Variants in MTOR observed in about 807,000 individuals in gnomAD.
MTOR encodes serine/threonine-protein kinase mTOR.
MTOR carries 70 observed loss-of-function variants against 319.8 expected under a neutral mutation model. That is an observed-to-expected ratio of 0.22 (90% CI 0.18 to 0.27). The LOEUF (loss-of-function observed/expected upper bound fraction) is 0.27. MTOR is among the 10% of genes least tolerant of loss of function. The pLI is 1.00. For synonymous variants in MTOR, 1,183 were observed against 1,211.4 expected (o/e 0.98, Z 0.49); for missense variants, 1,890 against 3,274.4 (o/e 0.58, Z 10.32).
At chr1:11,137,352 G>A (rs1319273633) in intron 36 of MTOR, among the ~76,000 whole-genome samples, 1 of 152,012 alleles carries the variant, frequency 6.6e-6, no homozygotes, top group Non-Finnish European at 1.5e-5. Context: ...CTCTTTGGTG[G>A]ACTTAATAAG....
chr1:11,151,215 C>T (rs1360464501), intron 30 of MTOR, among the ~76,000 whole-genome samples: 1 of 152,154 alleles, frequency 6.6e-6, no homozygotes, highest in African/African-American at 2.4e-5. Flanking sequence ...GACTGTGGAC[C>T]ACGTCTAGGA....
At chr1:11,117,202 C>T in intron 49 of MTOR, 116 bp from the exon 50 acceptor site, 1 of 840,256 alleles carries the variant, frequency 1.2e-6, no homozygotes, top group Non-Finnish European at 1.8e-6. Flanking sequence ...GCTCTGTCGC[C>T]CAGGCTGGAA....
At position 11,107,477 on chromosome 1, in the gene MTOR, G is replaced by T. The variant is rs1453509061; in HGVS notation, c.*8C>A. ...GAAAAAACGTGATGGGCACATCTGG[G>T]CCTCCAGTTACCAGAAAGGGCACCT... On this transcript the variant is annotated 3_prime_UTR_variant, in exon 58 of 58. Coordinates refer to ENST00000361445, the MANE Select transcript of MTOR (RefSeq NM_004958.4). 5.6e-6 allele frequency: 9 copies of T among 1,612,526 alleles called. No homozygotes were observed. Among genetic ancestry groups the T allele is most frequent in the Non-Finnish European group, 7.6e-6 (9 of 1,179,654 alleles).
intron 28 of MTOR, chr1:11,189,699 C>T: frequency 6.2e-7 from 1 of 1,614,198 alleles, no homozygotes; most frequent in South Asian, 1.1e-5. Flanking sequence ...AGCCACAGCT[C>T]AAAGCGGCCA....
intron 1 of MTOR, among the ~76,000 whole-genome samples, chr1:11,260,326 T>G (rs1569860067): frequency 6.6e-6 from 1 of 152,352 alleles, no homozygotes; most frequent in African/African-American, 2.4e-5. Context: ...GCAGATCACC[T>G]GAGGTCAGGA....
rs775857477 is a variant in MTOR at position 11,144,699 on chromosome 1, A to G, written c.4821T>C (p.Leu1607=). 3 of 1,613,990 alleles carry G rather than the reference A, an allele frequency of 1.9e-6. No homozygotes were observed. Among genetic ancestry groups the G allele is most frequent in the Non-Finnish European group, 2.5e-6 (3 of 1,180,040 alleles). ...GGATGATCTCTCGTCGCTCGGGGAC[A>G]AGTTTGTACTGGATAACCTCCTCCA... The part of the protein sequence containing the change: ...SELEEVIQYK[L]VPERREIIRQ... The change falls in exon 34 of 58, where the codon CTT becomes CTC. Residue 1607 remains leucine (L), a synonymous_variant. Coordinates refer to ENST00000361445, the MANE Select transcript of MTOR (RefSeq NM_004958.4).
intron 54 of MTOR, among the ~76,000 whole-genome samples, chr1:11,110,749 G>A (rs1409911141): frequency 3.3e-5 from 5 of 151,656 alleles, no homozygotes; most frequent in African/African-American, 9.7e-5. Context: ...TTGAGACAGG[G>A]TCTTGCTGTG....
At position 11,255,983 on chromosome 1, in the gene MTOR, T is replaced by A; in HGVS notation, c.705+9A>T. On this transcript the variant is annotated intron_variant, in intron 5 of 57. Coordinates refer to ENST00000361445, the MANE Select transcript of MTOR (RefSeq NM_004958.4). Reference sequence around the variant, plus strand: ...TTTGCTAGTGGTGGGAATGGAGCCATCTCCTTACCCTGTACCACTGAGGCT... The same window carrying A: ...TTTGCTAGTGGTGGGAATGGAGCCAACTCCTTACCCTGTACCACTGAGGCT... 1 of 1,609,732 alleles carries A rather than the reference T, an allele frequency of 6.2e-7. No homozygotes were observed. The highest frequency in any genetic ancestry group is 8.5e-7 in the Non-Finnish European group (1 of 1,176,842).
intron 47 of MTOR, among the ~76,000 whole-genome samples, chr1:11,122,941 C>A (rs900363395): frequency 1.1e-4 from 17 of 152,220 alleles, no homozygotes; most frequent in Admixed American, 1.1e-3. Flanking sequence ...CAGGTCTCCT[C>A]AACCTGCCCA....
In MTOR at chr1:11,128,999, T is replaced by C. The variant is rs1408172371; in HGVS notation, c.5715-48A>G. On this transcript the variant is annotated intron_variant, in intron 40 of 57. Transcript: ENST00000361445. This position sits in a 1 kb window ranked among gnomAD's most constrained non-coding sequence, Gnocchi z 5.3. The stretch of plus-strand genomic sequence containing the variant: ...ACAGAAAATTTAGTTTCCCAGTTTT[T>C]GCCTGCCTGTTTTTCATCTCTAAGG... 1 of 1,519,006 alleles carries C rather than the reference T, an allele frequency of 6.6e-7. No individual in the cohort carries two copies. The highest frequency in any genetic ancestry group is 2.3e-5 in the East Asian group (1 of 43,762). The allele number at this position is 1,519,006 out of a possible 1,614,324, so 94.1% of individuals were successfully genotyped here.
chr1:11,202,699 A>G (rs960036397), intron 26 of MTOR, among the ~76,000 whole-genome samples: 3 of 152,084 alleles, frequency 2.0e-5, no homozygotes, highest in Middle Eastern at 3.2e-3. Flanking sequence ...TGACTGCTTG[A>G]GTCCAGGAGT....
At chr1:11,219,600 A>G (rs1646590820) in intron 19 of MTOR, among the ~76,000 whole-genome samples, 1 of 152,196 alleles carries the variant, frequency 6.6e-6, no homozygotes, top group South Asian at 2.1e-4. Flanking sequence ...AAATTATAAA[A>G]CACGTGAGGA....
At chr1:11,198,295 T>C (rs1645852243) in intron 28 of MTOR, among the ~76,000 whole-genome samples, 1 of 152,212 alleles carries the variant, frequency 6.6e-6, no homozygotes, top group Non-Finnish European at 1.5e-5. Context: ...GAAATCAACA[T>C]TTTCTCCAAG....
At chr1:11,125,665 G>A (rs557998821) in intron 46 of MTOR, among the ~76,000 whole-genome samples, 1 of 151,248 alleles carries the variant, frequency 6.6e-6, no homozygotes, top group African/African-American at 2.4e-5. Flanking sequence ...AGGAGGTGGG[G>A]TTGCAGTGAG....
At position 11,213,542 on chromosome 1, in the gene MTOR, T is replaced by C. The variant is rs774472068; in HGVS notation, c.3142A>G (p.Ile1048Val). ...ATGAGAAGAATGATCGTGCTCTGAA[T>C]TGAGGTGTTCATGACCCAGAATTCC... ...MREFWVMNTS[I>V]QSTIILLIEQ... The change falls in exon 21 of 58, where the codon ATT becomes GTT. Residue 1048 changes from isoleucine to valine, a missense_variant. Ile to Val is a conservative substitution (Grantham distance 29, BLOSUM62 3). Transcript: ENST00000361445. The C allele has an allele frequency of 3.7e-6, 6 of 1,614,002 alleles. No homozygotes were observed. The highest frequency in any genetic ancestry group is 1.7e-5 in the Admixed American group (1 of 59,982).
chr1:11,125,009 G>A (rs1347331782), intron 46 of MTOR, among the ~76,000 whole-genome samples: 1 of 152,010 alleles, frequency 6.6e-6, no homozygotes, highest in East Asian at 1.9e-4. Context: ...GTACTGGCAG[G>A]AGGTCAGAGG....
At chr1:11,154,335 G>A (rs998303424) in intron 30 of MTOR, among the ~76,000 whole-genome samples, 10 of 151,688 alleles carry the variant, frequency 6.6e-5, no homozygotes, top group Middle Eastern at 3.2e-3. Flanking sequence ...CAAGCAATCC[G>A]CCTGCCTCAG....
intron 49 of MTOR, among the ~76,000 whole-genome samples, chr1:11,119,202 G>A (rs1191974737): frequency 2.6e-5 from 4 of 151,926 alleles, no homozygotes; most frequent in African/African-American, 7.3e-5. Context: ...AGGCTGAGAA[G>A]GGCGGATAAC....
intron 26 of MTOR, among the ~76,000 whole-genome samples, chr1:11,201,067 G>A (rs918639955): frequency 6.6e-6 from 1 of 151,840 alleles, no homozygotes; most frequent in African/African-American, 2.4e-5. Context: ...AATTACAGTC[G>A]CTGGTCATCC....
Sources: allele counts gnomAD v4.1 joint callset (sites outside exome capture counted in the v4.1 genomes callset), GRCh38; gene constraint gnomAD v4.1.1; non-coding constraint Gnocchi (gnomAD v3.1); transcripts MANE v1.5; gene names NCBI Gene and HGNC (gene_info 2026-07-23, HGNC 2026-07-21).